EPM2A: variants seen among roughly 807,000 people sequenced by gnomAD.
The protein encoded by EPM2A is laforin.
Under a neutral mutation model 26.5 loss-of-function variants are expected in EPM2A, and 21 were observed. That is an observed-to-expected ratio of 0.79 (90% CI 0.56 to 1.14). The LOEUF is 1.14. Among genes scored for constraint, EPM2A ranks in the 50% most tolerant of loss-of-function variants. The pLI, the probability that EPM2A is intolerant of heterozygous loss-of-function variation, is 0.00. For missense variants in EPM2A, 458 were observed against 440.8 expected (o/e 1.04, Z -0.35); for synonymous variants, 217 against 177.6 (o/e 1.22, Z -1.76).
intron 4 of EPM2A, among the ~76,000 whole-genome samples, chr6:145,388,076 T>A (rs562728544): frequency 1.2e-4 from 19 of 152,320 alleles, no homozygotes; most frequent in African/African-American, 3.6e-4. Flanking sequence ...ATACATTTTT[T>A]AAAAATGAAG....
chr6:145,705,255 C>A (rs1023339437), intron 1 of EPM2A, among the ~76,000 whole-genome samples: 3 of 151,984 alleles, frequency 2.0e-5, no homozygotes, highest in Admixed American at 2.0e-4. Context: ...TCAAGACCAG[C>A]CTGGGCAACA....
chr6:145,403,391 C>T (rs1157389160), intron 4 of EPM2A, among the ~76,000 whole-genome samples: 2 of 150,066 alleles, frequency 1.3e-5, no homozygotes, highest in Non-Finnish European at 3.0e-5. Flanking sequence ...CCCCTCCCCC[C>T]AACCACCACC....
intron 1 of EPM2A, among the ~76,000 whole-genome samples, chr6:145,696,775 ATGTGTGTGTGTGTGTGTGTGTGTG>A (rs35621582): frequency 3.7e-5 from 5 of 135,310 alleles, no homozygotes; most frequent in Non-Finnish European, 8.0e-5. Context: ...AGGTAGGGGT[ATGTGTGTGTGTGTGTGTGTGTGTG>A]TGTGTGTGTG....
intron 2 of EPM2A, chr6:145,640,436 T>A (rs1777006677): frequency 1.3e-5 from 2 of 152,212 alleles, no homozygotes; most frequent in Admixed American, 1.3e-4. Flanking sequence ...CCAGCTTTTG[T>A]TTATTTATCA....
rs554245972 is a variant in EPM2A, at chr6:145,610,991, C to T, written c.340+24254G>A. On this transcript the variant is annotated intron_variant, in intron 2 of 3. Transcript: ENST00000450221. ...CAGTTTGCTTCCTTTTTTAATTTTG[C>T]AACATTTGATAACAGTTCTATAATG... Among the ~76,000 whole-genome samples, 3 of 152,130 alleles carry T rather than the reference C, an allele frequency of 2.0e-5. No homozygotes were observed. The South Asian group carries it at 6.2e-4, about 32-fold the overall frequency.
In EPM2A at chr6:145,686,228, G is replaced by A; in HGVS notation, c.370C>T (p.Leu124Phe). The A allele has an allele frequency of 1.2e-6, 2 of 1,613,642 alleles. No individual in the cohort carries two copies. The highest frequency in any genetic ancestry group is 1.1e-5 in the South Asian group (1 of 91,074). Reference protein sequence around the residue: ...ENNLVDGVYCLPIGHWIEATG... With the variant: ...ENNLVDGVYCFPIGHWIEATG... ...GCCTCAATCCAGTGTCCTATTGGGA[G>A]ACAATACACACCATCCACCAAGTTG... is the stretch of plus-strand genomic sequence containing the variant. Residue 124 changes from leucine to phenylalanine, a missense_variant, in exon 2 of 4, where the codon CTC becomes TTC. Transcript: ENST00000367519.
intron 1 of EPM2A, chr6:145,722,909 A>G (rs1391167262): frequency 3.7e-6 from 1 of 269,224 alleles, no homozygotes; most frequent in Non-Finnish European, 7.3e-6. Context: ...CACAGCTTTC[A>G]TAAGAAACCA....
chr6:145,616,613 C>G (rs1489302758), intron 2 of EPM2A, among the ~76,000 whole-genome samples: 2 of 152,224 alleles, frequency 1.3e-5, no homozygotes, highest in East Asian at 3.8e-4. Flanking sequence ...TACTCAATGC[C>G]AGCCCATGAA....
chr6:145,476,442 A>G (rs907977616), intron 4 of EPM2A, among the ~76,000 whole-genome samples: 1 of 152,074 alleles, frequency 6.6e-6, no homozygotes, highest in African/African-American at 2.4e-5. Flanking sequence ...TGTACTATAG[A>G]CTAAATGGAT....
At chr6:145,597,096 T>G (rs924066687) in intron 2 of EPM2A, among the ~76,000 whole-genome samples, 1 of 151,224 alleles carries the variant, frequency 6.6e-6, no homozygotes, top group South Asian at 2.1e-4. Context: ...GGGTTTCACC[T>G]TGTTAGCCAG....
rs1778625064 is a variant in EPM2A, at chr6:145,410,145, A to T, written c.556-26048T>A. Among the ~76,000 whole-genome samples the T allele has an allele frequency of 2.6e-5, 4 of 152,338 alleles. No individual in the cohort carries two copies. In the South Asian group the frequency reaches 8.3e-4, roughly 32 times the overall value. On this transcript the variant is annotated intron_variant, in intron 4 of 4. Coordinates refer to the EPM2A transcript ENST00000638717. ...AACACAATCGGGTATCCAAATGAGG[A>T]TTAATGAGAGACGGTGTTGCAAGAG...
intron 4 of EPM2A, among the ~76,000 whole-genome samples, chr6:145,480,325 A>G: frequency 6.6e-6 from 1 of 151,982 alleles, no homozygotes; most frequent in East Asian, 1.9e-4. Flanking sequence ...GGGAAGGGGG[A>G]AGTGCTACAC....
intron 2 of EPM2A, among the ~76,000 whole-genome samples, chr6:145,673,847 G>A (rs1206288479): frequency 1.3e-5 from 2 of 152,142 alleles, no homozygotes; most frequent in Non-Finnish European, 1.5e-5. Context: ...ACCTCTGTGG[G>A]CAGGACATAG....
intron 3 of EPM2A, among the ~76,000 whole-genome samples, chr6:145,634,882 T>G (rs117662904): frequency 0.011 from 1,652 of 152,308 alleles, 13 homozygotes; most frequent in Admixed American, 0.018. Context: ...AAATTCATCA[T>G]AGTTTTAAAC....
chr6:145,503,646 A>G (rs1177444079), intron 2 of EPM2A, among the ~76,000 whole-genome samples: 1 of 98,874 alleles, frequency 1.0e-5, no homozygotes, highest in Non-Finnish European at 2.0e-5. Flanking sequence ...AAGAATCAAT[A>G]TCGTGAAAAT....
At chr6:145,596,108 A>G (rs1364624794) in intron 2 of EPM2A, among the ~76,000 whole-genome samples, 1 of 152,228 alleles carries the variant, frequency 6.6e-6, no homozygotes, top group Non-Finnish European at 1.5e-5. Flanking sequence ...ATGTTCCAAG[A>G]CTACGTATTA....
chr6:145,592,155 C>G (rs1438242690), intron 2 of EPM2A, among the ~76,000 whole-genome samples: 1 of 96,846 alleles, frequency 1.0e-5, no homozygotes, highest in Non-Finnish European at 1.9e-5. Flanking sequence ...TGCTATCCCT[C>G]CCCCCTCCCC....
chr6:145,510,497 G>A (rs1184640128), intron 2 of EPM2A, among the ~76,000 whole-genome samples: 1 of 152,080 alleles, frequency 6.6e-6, no homozygotes, highest in African/African-American at 2.4e-5. Context: ...TGACTTTTCA[G>A]TAAGCAATAA....
rs144565191 is a variant in EPM2A, at chr6:145,635,319, T to A, written c.644A>T (p.Asp215Val). Residue 215 changes from aspartate (D) to valine (V), a missense_variant, in exon 3 of 4, where the codon GAC becomes GTC. By Grantham distance (152) the Asp-to-Val change is radical. Transcript: ENST00000367519. ...TTCCCTATATAGTTTAATCATAGTG[T>A]CTGGAGTCATGGGCTCTGGGTAGCG... is the stretch of plus-strand genomic sequence containing the variant. ...CNRYPEPMTP[D>V]TMIKLYREEG... 339 of 1,614,154 alleles carry A rather than the reference T, an allele frequency of 2.1e-4. No individual in the cohort carries two copies. Among genetic ancestry groups the A allele is most frequent in the Non-Finnish European group, 2.7e-4 (314 of 1,179,996 alleles).
Sources: gnomAD v4.1 joint callset for allele counts (sites outside exome capture counted in the v4.1 genomes callset) on GRCh38, gnomAD v4.1.1 for gene constraint, MANE v1.5 for transcripts, NCBI Gene and HGNC (gene_info 2026-07-23, HGNC 2026-07-21) for gene names.